The following SATB1 variants were observed in gnomAD, a reference collection of about 807,000 sequenced individuals.
SATB1 encodes DNA-binding protein SATB1.
Under a neutral mutation model 86.9 loss-of-function variants are expected in SATB1, and 11 were observed. That is an observed-to-expected ratio of 0.13 (90% CI 0.08 to 0.21). The LOEUF (loss-of-function observed/expected upper bound fraction) is 0.21. Ranked by LOEUF, SATB1 falls within the 10% of genes least tolerant of loss-of-function variation. The pLI is 1.00. For missense variants in SATB1, 551 were observed against 937.6 expected (o/e 0.59, Z 5.39); for synonymous variants, 357 against 357.2 (o/e 1.00, Z 0.01).
chr3:18,372,532 C>T (rs1283153716), intron 9 of SATB1, among the ~76,000 whole-genome samples: 1 of 152,044 alleles, frequency 6.6e-6, no homozygotes, highest in East Asian at 1.9e-4. Context: ...CTTGATACGA[C>T]TTTTTAGCCA....
chr3:18,368,059 C>T (rs1397943780), intron 9 of SATB1, among the ~76,000 whole-genome samples: 2 of 152,152 alleles, frequency 1.3e-5, no homozygotes, highest in Non-Finnish European at 2.9e-5. Context: ...TTTGACTTAT[C>T]CCACACAACT....
chr3:18,348,024 TACACTTATAAAA>T lies in SATB1; in HGVS notation c.*1134_*1145del, dbSNP rs1694144653. 1 of 152,588 alleles carries T rather than the reference TACACTTATAAAA, an allele frequency of 6.6e-6. No homozygotes were observed. The highest frequency in any genetic ancestry group is 3.2e-3 in the Middle Eastern group (1 of 316). 9.5% of individuals were successfully genotyped at this position (152,588 alleles called of 1,614,324 possible). ...CATTTCTGCATAAAGAAAATTGTGA[TACACTTATAAAA>T]ACAGCCAGCTGTAACAAAATAGCTG... On this transcript the variant is annotated 3_prime_UTR_variant, in exon 11 of 11. Transcript: ENST00000338745.
intron 5 of SATB1, among the ~76,000 whole-genome samples, chr3:18,400,476 C>A (rs779321582): frequency 1.3e-5 from 2 of 152,182 alleles, no homozygotes; most frequent in African/African-American, 2.4e-5. Context: ...TAATAGCATA[C>A]ACCTCATGGA....
At chr3:18,412,436 AC>A (rs1187214843) in intron 5 of SATB1, among the ~76,000 whole-genome samples, 1 of 152,004 alleles carries the variant, frequency 6.6e-6, no homozygotes, top group Non-Finnish European at 1.5e-5. Flanking sequence ...TGAACTTTCT[AC>A]TAACTATAAT....
At chr3:18,409,066 A>T (rs1467038214) in intron 5 of SATB1, 1 of 152,064 alleles carries the variant, frequency 6.6e-6, no homozygotes, top group Non-Finnish European at 1.5e-5. Context: ...AAACCTATTC[A>T]GATCTGAAAC....
chr3:18,385,446 C>A (rs990895269), intron 8 of SATB1, among the ~76,000 whole-genome samples: 1 of 151,960 alleles, frequency 6.6e-6, no homozygotes, highest in African/African-American at 2.4e-5. Context: ...CACGGTGAAA[C>A]CCCGTCTCTA....
upstream of SATB1, among the ~76,000 whole-genome samples, chr3:18,426,098 G>A (rs1698690886): frequency 6.6e-6 from 1 of 152,172 alleles, no homozygotes. This position sits in a 1 kb window ranked among gnomAD's most constrained non-coding sequence, Gnocchi z 4.2. Context: ...CAGACGGAAG[G>A]CAGTTCTCTC....
At chr3:18,375,051 G>A (rs1031927956) in intron 9 of SATB1, among the ~76,000 whole-genome samples, 2 of 152,134 alleles carry the variant, frequency 1.3e-5, no homozygotes, top group African/African-American at 4.8e-5. Context: ...GTATGATAGA[G>A]CCTGGACTCT....
intron 2 of SATB1, among the ~76,000 whole-genome samples, chr3:18,436,164 T>G (rs1227591683): frequency 6.6e-6 from 1 of 152,214 alleles, no homozygotes; most frequent in Admixed American, 6.5e-5. Flanking sequence ...CTTAGAGTAC[T>G]TTTCAAACAA....
rs2125123243 is a variant in SATB1, at chr3:18,349,579, T to C, written c.1883A>G (p.Gln628Arg). The C allele has an allele frequency of 6.2e-7, 1 of 1,613,816 alleles. No individual in the cohort carries two copies. The highest frequency in any genetic ancestry group is 2.2e-5 in the East Asian group (1 of 44,880). The change falls in exon 11 of 11, where the codon CAA (glutamine) becomes CGA (arginine). Residue 628 changes from glutamine (Q) to arginine (R), a missense_variant. Physicochemically the swap from Gln to Arg is conservative, Grantham distance 43 (BLOSUM62 1). Around this residue, in one of 8 missense-constraint regions of SATB1, gnomAD observed 87 missense variants for 103.6 expected, o/e 0.84. Transcript: ENST00000338745. The surrounding 1 kb of genome is among the most constrained non-coding windows in gnomAD (Gnocchi z 5.5). ...PQTGPRLPPR[Q>R]PTVASPAESD... ...CTCTGCTGGAGAGGCCACCGTGGGT[T>C]GCCGTGGGGGGAGCCGAGGGCCTGT...
At chr3:18,367,695 G>A (rs533329066) in intron 9 of SATB1, among the ~76,000 whole-genome samples, 19 of 152,126 alleles carry the variant, frequency 1.2e-4, no homozygotes, top group Non-Finnish European at 2.2e-4. Context: ...GTTAAACTCC[G>A]TATACACAAC....
intron 9 of SATB1, among the ~76,000 whole-genome samples, chr3:18,360,358 C>T (rs1694848110): frequency 6.6e-6 from 1 of 152,106 alleles, no homozygotes; most frequent in Non-Finnish European, 1.5e-5. Flanking sequence ...AGTGGCTTCC[C>T]AAGGTAGGAG....
At position 18,349,859 on chromosome 3, in the gene SATB1, A is replaced by G; in HGVS notation, c.1780-177T>C. On this transcript the variant is annotated intron_variant, in intron 10 of 10. Coordinates refer to ENST00000338745, the MANE Select transcript of SATB1 (RefSeq NM_002971.6). This position sits in a 1 kb window ranked among gnomAD's most constrained non-coding sequence, Gnocchi z 5.5. ...GCCGACAGCATTTACAAAAAAATCA[A>G]AATGATATGACTAGGAAGGGATGAA... is the stretch of plus-strand genomic sequence containing the variant. 4.4e-6 allele frequency: 5 copies of G among 1,136,612 alleles called. No homozygotes were observed. The highest frequency in any genetic ancestry group is 6.0e-6 in the Non-Finnish European group (5 of 831,152). The allele number at this position is 1,136,612 out of a possible 1,614,324, so 70.4% of individuals were successfully genotyped here. A position where few individuals can be genotyped will look rare whatever the true frequency, so the allele number is the denominator to read the frequency against.
At chr3:18,356,803 C>A (rs886563904) in intron 9 of SATB1, among the ~76,000 whole-genome samples, 1 of 151,826 alleles carries the variant, frequency 6.6e-6, no homozygotes, top group African/African-American at 2.4e-5. Context: ...AAAGTAACCT[C>A]CTTTCATAAA....
Position 18,410,808 on chromosome 3 carries a change from A to G in SATB1, c.639+4303T>C, listed in dbSNP as rs895820951. On this transcript the variant is annotated intron_variant, in intron 5 of 10. Coordinates refer to ENST00000338745, the MANE Select transcript of SATB1 (RefSeq NM_002971.6). ...CATTCCAGTCCAAAAACTGTGAAAT[A>G]AAGTACAGTTTATTAAAAACACATT... is the stretch of plus-strand genomic sequence containing the variant. 2.4e-5 allele frequency: 8 copies of G among 339,510 alleles called. No individual in the cohort carries two copies. The Admixed American group carries it at 2.9e-4, about 12-fold the overall frequency. The allele number at this position is 339,510 out of a possible 1,614,324, so 21.0% of individuals were successfully genotyped here. A position where few individuals can be genotyped will look rare whatever the true frequency, so the allele number is the denominator to read the frequency against.
In SATB1 at chr3:18,394,007, C is replaced by T. The variant is rs901386655; in HGVS notation, c.1206+455G>A. Among the ~76,000 whole-genome samples, 3 of 152,048 alleles carry T rather than the reference C, an allele frequency of 2.0e-5. No homozygotes were observed. Among genetic ancestry groups the T allele is most frequent in the Non-Finnish European group, 2.9e-5 (2 of 68,010 alleles). On this transcript the variant is annotated intron_variant, in intron 7 of 10. Transcript: ENST00000338745. This position sits in a 1 kb window ranked among gnomAD's most constrained non-coding sequence, Gnocchi z 5.9. ...CAACAACAAACAACAACAACAACAACAACGCTGCAGTAGAACTTTAAGAGG... is the reference window on the plus strand; with the variant it reads ...CAACAACAAACAACAACAACAACAATAACGCTGCAGTAGAACTTTAAGAGG...
chr3:18,395,806 T>C (rs980333592), intron 6 of SATB1, among the ~76,000 whole-genome samples: 1 of 152,214 alleles, frequency 6.6e-6, no homozygotes, highest in Non-Finnish European at 1.5e-5. Flanking sequence ...AGGTTCCTCA[T>C]ATGGATTGGC....
At chr3:18,425,484 G>A (rs1229739577), upstream of SATB1, 7 of 150,246 alleles carry the variant, frequency 4.7e-5, no homozygotes, top group African/African-American at 1.7e-4. Context: ...GGGCTGGAGG[G>A]CCGGGATTGG....
intron 1 of SATB1, chr3:18,421,495 A>G (rs1263046423): frequency 6.6e-6 from 1 of 152,258 alleles, no homozygotes; most frequent in Non-Finnish European, 1.5e-5. Context: ...AAAAAAACAT[A>G]AACCATCTCA....
Sources: allele counts gnomAD v4.1 joint callset (sites outside exome capture counted in the v4.1 genomes callset), GRCh38; gene constraint gnomAD v4.1.1; regional missense constraint gnomAD v4.1.1; non-coding constraint Gnocchi (gnomAD v3.1); transcripts MANE v1.5; gene names NCBI Gene and HGNC (gene_info 2026-07-23, HGNC 2026-07-21).